Variants in MGAT4A observed in about 807,000 individuals in gnomAD.
The protein encoded by MGAT4A is N-acetylglucosaminyltransferase IVa.
In MGAT4A, 33 loss-of-function variants were observed where a neutral mutation model predicts 74.1. The observed-to-expected ratio is 0.45, with a 90% CI of 0.34 to 0.60. The LOEUF is 0.60. Among genes scored for constraint, MGAT4A ranks in the 20% least tolerant of loss-of-function variants. MGAT4A has a pLI of 0.02. For missense variants in MGAT4A, 479 were observed against 628.3 expected, an observed-to-expected ratio of 0.76 and a Z score of 2.54; for synonymous variants, 198 against 210.4, an observed-to-expected ratio of 0.94 and a Z score of 0.51.
Position 98,623,910 on chromosome 2 carries a change from A to G in MGAT4A, c.*1656T>C. On this transcript the variant is annotated 3_prime_UTR_variant, in exon 16 of 16. Transcript: ENST00000393487. Reference sequence around the variant, plus strand: ...AGGCCCCAGCCAGTGGTCACTCTGAAAGCTCAGCAGAATCCATCTCTGCCC... The same window carrying G: ...AGGCCCCAGCCAGTGGTCACTCTGAGAGCTCAGCAGAATCCATCTCTGCCC... The G allele has an allele frequency of 1.0e-6, 1 of 985,462 alleles. No homozygotes were observed. Among genetic ancestry groups the G allele is most frequent in the East Asian group, 1.1e-4 (1 of 8,804 alleles). 61.0% of individuals were successfully genotyped at this position (985,462 alleles called of 1,614,324 possible).
rs578004810 is a variant in MGAT4A, at chr2:98,632,192, A to G, written c.1468+3030T>C. On this transcript the variant is annotated intron_variant, in intron 14 of 15. Transcript: ENST00000393487. ...AAACACAAGCCACCTATGGACAGCT[A>G]AACTAAAAGAGCACCCTGTAACACG... 1.6e-3 allele frequency among the ~76,000 whole-genome samples: 239 copies of G among 152,300 alleles called. 2 individuals are homozygous for G. Among genetic ancestry groups the G allele is most frequent in the African/African-American group, 5.5e-3 (227 of 41,568 alleles).
chr2:98,699,530 T>C (rs190999307), intron 2 of MGAT4A, among the ~76,000 whole-genome samples: 176 of 152,190 alleles, frequency 1.2e-3, no homozygotes, highest in Non-Finnish European at 1.9e-3. Flanking sequence ...CTAAATGCCA[T>C]TGCCTTACAG....
chr2:98,639,928 T>C lies in MGAT4A; in HGVS notation c.1202A>G (p.Lys401Arg), dbSNP rs776541405. Residue 401 changes from lysine (K) to arginine (R), a missense_variant, in exon 12 of 16, where the codon AAG (lysine) becomes AGG (arginine). Physicochemically the swap from Lys to Arg is conservative, Grantham distance 26. Coordinates refer to ENST00000393487, the MANE Select transcript of MGAT4A (RefSeq NM_012214.3). Reference sequence around the variant, plus strand: ...CTCCAGCGTATGCCCTTGGTAGACCTTCAAGGAAGTAGATACCTCCGCAGG... The same window carrying C: ...CTCCAGCGTATGCCCTTGGTAGACCCTCAAGGAAGTAGATACCTCCGCAGG... ...NPPAEVSTSL[K>R]VYQGHTLEKT... 1.9e-6 allele frequency: 3 copies of C among 1,614,094 alleles called. No individual in the cohort carries two copies. Among genetic ancestry groups the C allele is most frequent in the Admixed American group, 1.7e-5 (1 of 60,022 alleles).
rs1213240051 is a variant in MGAT4A, at chr2:98,651,489, T to C, written c.774+3956A>G. Among the ~76,000 whole-genome samples, 5 of 152,290 alleles carry C rather than the reference T, an allele frequency of 3.3e-5. No individual in the cohort carries two copies. The East Asian group carries it at 9.6e-4, about 29-fold the overall frequency. On this transcript the variant is annotated intron_variant, in intron 8 of 15. Transcript: ENST00000393487. ...GTAGAGATTTTATTTGTCATTGAAG[T>C]AATAAATAGACTGTTATAACTTTAA...
chr2:98,646,344 C>T (rs973792132), intron 8 of MGAT4A, among the ~76,000 whole-genome samples: 2 of 152,080 alleles, frequency 1.3e-5, no homozygotes, highest in Admixed American at 1.3e-4. Context: ...AATAGCACTC[C>T]TCAATGATCG....
In MGAT4A at chr2:98,644,003, T is replaced by C; in HGVS notation, c.940A>G (p.Met314Val). 1 of 1,605,462 alleles carries C rather than the reference T, an allele frequency of 6.2e-7. No individual in the cohort carries two copies. Among genetic ancestry groups the C allele is most frequent in the Non-Finnish European group, 8.5e-7 (1 of 1,173,920 alleles). Residue 314 changes from methionine to valine, a missense_variant, in exon 10 of 16, where the codon ATG becomes GTG. Around this residue, in one of 3 missense-constraint regions of MGAT4A, gnomAD observed 236 missense variants for 308.2 expected, o/e 0.77. Coordinates refer to ENST00000393487, the MANE Select transcript of MGAT4A (RefSeq NM_012214.3). ...DLTLIVEFIF[M>V]FYKEKPIDWL... ...TCAATGGGTTTCTCCTTGTAAAACA[T>C]GAATATGAATTCTACAATCAGAGTA...
chr2:98,632,083 CT>C (rs1701246014), intron 14 of MGAT4A, among the ~76,000 whole-genome samples: 1 of 151,688 alleles, frequency 6.6e-6, no homozygotes, highest in African/African-American at 2.4e-5. Flanking sequence ...GCACTTCAGC[CT>C]GGGCGGCAAA....
chr2:98,666,630 C>T (rs900276129), intron 4 of MGAT4A, among the ~76,000 whole-genome samples: 1 of 151,696 alleles, frequency 6.6e-6, no homozygotes, highest in South Asian at 2.1e-4. Context: ...GAGGTAGAGG[C>T]TGCAGTGAGC....
chr2:98,625,490 A>G lies in MGAT4A; in HGVS notation c.*76T>C, dbSNP rs1701130692. The G allele has an allele frequency of 6.3e-7, 1 of 1,583,744 alleles. No individual in the cohort carries two copies. Among genetic ancestry groups the G allele is most frequent in the Non-Finnish European group, 8.5e-7 (1 of 1,170,366 alleles). ...TCACAAGAGGTAGTGTTCAAGTAGA[A>G]ATAAAAAAAAGATACATGCTTAACT... On this transcript the variant is annotated 3_prime_UTR_variant, in exon 16 of 16. Coordinates refer to ENST00000393487, the MANE Select transcript of MGAT4A (RefSeq NM_012214.3).
At position 98,705,228 on chromosome 2, in the gene MGAT4A, T is replaced by C. The variant is rs144877050; in HGVS notation, c.94+21011A>G. Among the ~76,000 whole-genome samples, 6 of 152,322 alleles carry C rather than the reference T, an allele frequency of 3.9e-5. No individual in the cohort carries two copies. In the East Asian group the frequency reaches 1.2e-3, roughly 29 times the overall value. On this transcript the variant is annotated intron_variant, in intron 2 of 15. Transcript: ENST00000393487. ...ATTTTAAGCACGGATTGCAATGCTGTGCAGGTTTCACAGGTGTGATTAATT... is the reference window on the plus strand; with the variant it reads ...ATTTTAAGCACGGATTGCAATGCTGCGCAGGTTTCACAGGTGTGATTAATT...
chr2:98,621,117 A>T lies in MGAT4A; in HGVS notation c.*4449T>A, dbSNP rs962894976. The T allele has an allele frequency of 1.9e-5, 5 of 267,086 alleles. No individual in the cohort carries two copies. The highest frequency in any genetic ancestry group is 3.5e-5 in the Non-Finnish European group (5 of 142,958). 16.5% of individuals were successfully genotyped at this position (267,086 alleles called of 1,614,324 possible). A position where few individuals can be genotyped will look rare whatever the true frequency, so the allele number is the denominator to read the frequency against. On this transcript the variant is annotated 3_prime_UTR_variant, in exon 16 of 16. Coordinates refer to ENST00000393487, the MANE Select transcript of MGAT4A (RefSeq NM_012214.3). Reference sequence around the variant, plus strand: ...TGTATTCATTTCCTATTCCTACATAACAAATTGCCACAAATTTAGCAGCTT... The same window carrying T: ...TGTATTCATTTCCTATTCCTACATATCAAATTGCCACAAATTTAGCAGCTT...
intron 9 of MGAT4A, among the ~76,000 whole-genome samples, chr2:98,644,789 A>G (rs767755002): frequency 3.3e-5 from 5 of 152,094 alleles, no homozygotes; most frequent in Non-Finnish European, 7.4e-5. Flanking sequence ...GTCTGCCACC[A>G]TGCCAGGCTA....
At chr2:98,713,885 CG>C (rs1215360926) in intron 2 of MGAT4A, among the ~76,000 whole-genome samples, 1 of 152,054 alleles carries the variant, frequency 6.6e-6, no homozygotes, top group African/African-American at 2.4e-5. Context: ...CATAACCACA[CG>C]GAAGAGGAAG....
chr2:98,730,566 G>T (rs1169851698), intron 1 of MGAT4A, among the ~76,000 whole-genome samples: 3 of 106,634 alleles, frequency 2.8e-5, no homozygotes, highest in African/African-American at 1.1e-4. Flanking sequence ...CGCGGCCCCC[G>T]CGAAAGCGCC....
At chr2:98,696,279 C>T (rs962489525) in intron 2 of MGAT4A, among the ~76,000 whole-genome samples, 1 of 152,138 alleles carries the variant, frequency 6.6e-6, no homozygotes, top group Non-Finnish European at 1.5e-5. Context: ...TTAGTAGGAA[C>T]GCAGAAGTAT....
chr2:98,657,138 C>G (rs1701672157), intron 6 of MGAT4A, among the ~76,000 whole-genome samples: 1 of 152,178 alleles, frequency 6.6e-6, no homozygotes, highest in African/African-American at 2.4e-5. Context: ...AGGTTAAGAA[C>G]CCTTTCTAAA....
At chr2:98,654,900 T>C (rs543580218) in intron 8 of MGAT4A, among the ~76,000 whole-genome samples, 30 of 152,306 alleles carry the variant, frequency 2.0e-4, no homozygotes, top group African/African-American at 7.2e-4. Context: ...TTTTAAAACA[T>C]GCTACATGTC....
rs1702013471 is a variant in MGAT4A at position 98,678,622 on chromosome 2, T to C, written c.95-151A>G. 3 of 425,814 alleles carry C rather than the reference T, an allele frequency of 7.0e-6. No homozygotes were observed. In the East Asian group the frequency reaches 1.1e-4, roughly 15 times the overall value. 26.4% of individuals were successfully genotyped at this position (425,814 alleles called of 1,614,324 possible). On this transcript the variant is annotated intron_variant, in intron 2 of 15. Coordinates refer to ENST00000393487, the MANE Select transcript of MGAT4A (RefSeq NM_012214.3). ...GAACTGAAAAAAAAAGGGTTCTGAC[T>C]TGTTATATAACAAAGTTTATATGCT...
At chr2:98,698,635 T>C (rs994825165) in intron 2 of MGAT4A, among the ~76,000 whole-genome samples, 2 of 152,142 alleles carry the variant, frequency 1.3e-5, no homozygotes, top group South Asian at 2.1e-4. Flanking sequence ...AACCCTTCAA[T>C]GACTACCTAC....
Sources: gnomAD v4.1 joint callset for allele counts (sites outside exome capture counted in the v4.1 genomes callset) on GRCh38, gnomAD v4.1.1 for gene constraint, gnomAD v4.1.1 regional missense constraint, MANE v1.5 for transcripts, NCBI Gene and HGNC (gene_info 2026-07-23, HGNC 2026-07-21) for gene names.